ATP5MF: variants seen among roughly 807,000 people sequenced by gnomAD.
ATP5MF encodes ATP synthase F(0) complex subunit f, mitochondrial.
Under a neutral mutation model 13.8 loss-of-function variants are expected in ATP5MF, and 10 were observed. The observed-to-expected ratio is 0.72, with a 90% CI of 0.45 to 1.23. The LOEUF (loss-of-function observed/expected upper bound fraction) is 1.23. Ranked by LOEUF, ATP5MF falls within the 50% of genes most tolerant of loss-of-function variation. ATP5MF has a pLI of 0.00. For missense variants in ATP5MF, 122 were observed against 118.2 expected (o/e 1.03, Z -0.15); for synonymous variants, 40 against 45.8 (o/e 0.87, Z 0.51).
intron 1 of ATP5MF, 123 bp downstream of exon 1, chr7:99,465,988 G>A: frequency 1.3e-6 from 2 of 1,536,672 alleles, no homozygotes; most frequent in Non-Finnish European, 1.8e-6. Context: ...CGCGCCTCAA[G>A]TGAGGTCGTG....
intron 1 of ATP5MF, chr7:99,460,482 A>T (rs139114748): frequency 7.3e-5 from 47 of 642,660 alleles, no homozygotes; most frequent in African/African-American, 1.2e-4. Flanking sequence ...AAAAGCAGTA[A>T]CGTGGCGGAC....
rs1798483847 is a variant in ATP5MF, at chr7:99,459,202, G to C, written c.201C>G (p.Thr67=). The change falls in exon 3 of 4, where the codon ACC becomes ACG. Residue 67 remains threonine, a synonymous_variant. Transcript: ENST00000292475. The stretch of plus-strand genomic sequence containing the variant: ...AGAGCACGTAGCATGCCAGCACCAT[G>C]GTAATCCCCGAGATGCTCCCCTTCT... ...NVKKGSISGI[T]MVLACYVLFS... is the part of the protein sequence containing the mutation. The C allele has an allele frequency of 6.2e-7, 1 of 1,614,118 alleles. No homozygotes were observed.
At chr7:99,459,557 G>T in intron 2 of ATP5MF, 1 of 341,416 alleles carries the variant, frequency 2.9e-6, no homozygotes, top group African/African-American at 2.1e-5. Context: ...CTACAGGCAT[G>T]CACCACCACA....
At chr7:99,461,518 G>C (rs969976905) in intron 1 of ATP5MF, among the ~76,000 whole-genome samples, 2 of 152,148 alleles carry the variant, frequency 1.3e-5, no homozygotes, top group Non-Finnish European at 2.9e-5. Flanking sequence ...TCAAAGGAAA[G>C]ACTAAGGCTC....
chr7:99,458,455 ATTCCC>A lies in ATP5MF; in HGVS notation c.257-105_257-101del. The stretch of plus-strand genomic sequence containing the variant: ...GAGATCACACAAAGCCTTCCTGAGA[ATTCCC>A]TTCAGAGATGACCCATGACCCGCCT... On this transcript the variant is annotated intron_variant, in intron 3 of 3. Transcript: ENST00000292475. The A allele has an allele frequency of 3.1e-6, 4 of 1,298,250 alleles. 1 individual carries two copies. The South Asian group carries it at 5.6e-5, about 18-fold the overall frequency. The allele number at this position is 1,298,250 out of a possible 1,614,324, so 80.4% of individuals were successfully genotyped here. A position where few individuals can be genotyped will look rare whatever the true frequency, so the allele number is the denominator to read the frequency against.
intron 1 of ATP5MF, among the ~76,000 whole-genome samples, chr7:99,461,030 G>C (rs530509653): frequency 6.6e-6 from 1 of 152,244 alleles, no homozygotes; most frequent in African/African-American, 2.4e-5. Context: ...TATTCCAATG[G>C]GAGTCTGAGA....
In ATP5MF at chr7:99,459,255, GGTA is replaced by G. The variant is rs1403569325; in HGVS notation, c.145_147del (p.Tyr49del). On this transcript the variant is annotated inframe_deletion, in exon 3 of 4. Coordinates refer to ENST00000292475, the MANE Select transcript of ATP5MF (RefSeq NM_004889.5). ...ACATTGATGTACTTGTTGTAGTACC[GGTA>G]GTAACCTGCAAACGCAAGAGGCGCT... 4.3e-6 allele frequency: 7 copies of G among 1,613,050 alleles called. No individual in the cohort carries two copies. Among genetic ancestry groups the G allele is most frequent in the Non-Finnish European group, 5.9e-6 (7 of 1,179,120 alleles).
intron 1 of ATP5MF, among the ~76,000 whole-genome samples, chr7:99,461,430 G>C (rs1349515641): frequency 1.3e-5 from 2 of 152,026 alleles, no homozygotes; most frequent in East Asian, 3.9e-4. Context: ...AAAGAGTCTA[G>C]GACCACGGTG....
chr7:99,461,499 A>G (rs1798598866), intron 1 of ATP5MF, among the ~76,000 whole-genome samples: 1 of 152,140 alleles, frequency 6.6e-6, no homozygotes, highest in South Asian at 2.1e-4. Flanking sequence ...TTTCTTCTCC[A>G]TTTTGAGATC....
At chr7:99,459,329 T>C (rs1355914057) in intron 2 of ATP5MF, 66 bp from the exon 3 acceptor site, 1 of 1,231,994 alleles carries the variant, frequency 8.1e-7, no homozygotes, top group African/African-American at 1.5e-5. Flanking sequence ...GAGCACACAG[T>C]TGAGTCTGGC....
chr7:99,464,151 G>A (rs1311224224), intron 1 of ATP5MF, among the ~76,000 whole-genome samples: 1 of 152,228 alleles, frequency 6.6e-6, no homozygotes, highest in Non-Finnish European at 1.5e-5. Context: ...CGTTCCAAGT[G>A]TCTTTCACAT....
chr7:99,465,240 CAA>C (rs1351451819), intron 1 of ATP5MF, among the ~76,000 whole-genome samples: 6 of 151,576 alleles, frequency 4.0e-5, no homozygotes, highest in Admixed American at 6.6e-5. Context: ...CCCTGGGCGA[CAA>C]GAGCGAAACG....
Position 99,458,212 on chromosome 7 carries a change from T to G in ATP5MF, c.*115A>C. On this transcript the variant is annotated 3_prime_UTR_variant, in exon 4 of 4. Transcript: ENST00000292475. ...AGCACACGTACCAGTCATGTTTTAT[T>G]TGGAGGTTAATTCCTATTAGGATAT... 3 of 1,102,000 alleles carry G rather than the reference T, an allele frequency of 2.7e-6. No individual in the cohort carries two copies. The highest frequency in any genetic ancestry group is 2.3e-5 in the Admixed American group (1 of 43,096). 68.3% of individuals were successfully genotyped at this position (1,102,000 alleles called of 1,614,324 possible). A position where few individuals can be genotyped will look rare whatever the true frequency, so the allele number is the denominator to read the frequency against.
rs115736609 is a variant in ATP5MF at position 99,463,733 on chromosome 7, G to A, written c.31+2378C>T. 8.4e-3 allele frequency among the ~76,000 whole-genome samples: 1,282 copies of A among 152,170 alleles called. 16 individuals are homozygous for A. The highest frequency in any genetic ancestry group is 0.03 in the African/African-American group (1,246 of 41,524). On this transcript the variant is annotated intron_variant, in intron 1 of 3. Transcript: ENST00000292475. ...GGAGGTTGCACTGAGCTGAGATCGT[G>A]CTATTGCACTGCAGCCTGGGCGACA...
At position 99,459,186 on chromosome 7, in the gene ATP5MF, A is replaced by G; in HGVS notation, c.217T>C (p.Tyr73His). The G allele has an allele frequency of 6.2e-7, 1 of 1,614,146 alleles. No individual in the cohort carries two copies. Among genetic ancestry groups the G allele is most frequent in the Non-Finnish European group, 8.5e-7 (1 of 1,180,010 alleles). Reference protein sequence around the residue: ...ISGITMVLACYVLFSYSFSYK... With the variant: ...ISGITMVLACHVLFSYSFSYK... ...GAAAAGGAGTAGCTAAAGAGCACGTAGCATGCCAGCACCATGGTAATCCCC... is the reference window on the plus strand; with the variant it reads ...GAAAAGGAGTAGCTAAAGAGCACGTGGCATGCCAGCACCATGGTAATCCCC... The change falls in exon 3 of 4, where the codon TAC (tyrosine) becomes CAC (histidine). Residue 73 changes from tyrosine (Y) to histidine (H), a missense_variant. Tyr to His is a moderately conservative substitution (Grantham distance 83). Coordinates refer to ENST00000292475, the MANE Select transcript of ATP5MF (RefSeq NM_004889.5).
At chr7:99,466,031 G>A in intron 1 of ATP5MF, 80 bp downstream of exon 1, 1 of 1,606,208 alleles carries the variant, frequency 6.2e-7, no homozygotes, top group Non-Finnish European at 8.5e-7. Flanking sequence ...AGGCAGCTCC[G>A]CAGCTTCCTT....
At chr7:99,458,800 G>A (rs1798458610) in intron 3 of ATP5MF, 1 of 318,740 alleles carries the variant, frequency 3.1e-6, no homozygotes, top group Non-Finnish European at 5.9e-6. Flanking sequence ...CTTTTCTGGG[G>A]TACCAGATTA....
At chr7:99,461,790 TG>T (rs1427606258) in intron 1 of ATP5MF, among the ~76,000 whole-genome samples, 2 of 151,888 alleles carry the variant, frequency 1.3e-5, no homozygotes, top group Non-Finnish European at 2.9e-5. Flanking sequence ...CCTGAGTAGC[TG>T]GGACTACAGG....
At chr7:99,459,642 C>T (rs1262646818) in intron 2 of ATP5MF, 13 of 243,412 alleles carry the variant, frequency 5.3e-5, no homozygotes, top group East Asian at 1.1e-4. Context: ...GGTCTAAACT[C>T]GGCTCAAGCA....
Sources: gnomAD v4.1 joint callset for allele counts (sites outside exome capture counted in the v4.1 genomes callset) on GRCh38, gnomAD v4.1.1 for gene constraint, MANE v1.5 for transcripts, NCBI Gene and HGNC (gene_info 2026-07-23, HGNC 2026-07-21) for gene names.